Variants in PDE3B observed in about 807,000 individuals in gnomAD.
The protein encoded by PDE3B is phosphodiesterase 3B, also known as cGMP-inhibited 3',5'-cyclic phosphodiesterase 3B.
A neutral mutation model predicts 116.8 loss-of-function variants in PDE3B; 66 were observed. The ratio of observed to expected loss-of-function variants is 0.56; its 90% CI spans 0.46 to 0.69. The LOEUF (loss-of-function observed/expected upper bound fraction) is 0.69, where lower values mean the gene tolerates loss of function less well. Ranked by LOEUF, PDE3B falls within the 30% of genes least tolerant of loss-of-function variation. PDE3B has a pLI of 0.00. For missense variants in PDE3B, 1,384 were observed against 1,368.1 expected, an observed-to-expected ratio of 1.01 and a Z score of -0.18; for synonymous variants, 595 against 533.6, an observed-to-expected ratio of 1.12 and a Z score of -1.59.
chr11:14,778,962 G>A (rs939983017), intron 2 of PDE3B, among the ~76,000 whole-genome samples: 121 of 152,254 alleles, frequency 7.9e-4, no homozygotes, highest in African/African-American at 2.7e-3. Flanking sequence ...AATAAACAGT[G>A]TATAGAAGAC....
intron 1 of PDE3B, among the ~76,000 whole-genome samples, chr11:14,661,071 G>T (rs1853888557): frequency 6.6e-6 from 1 of 152,142 alleles, no homozygotes; most frequent in South Asian, 2.1e-4. Flanking sequence ...CACTGTTGGT[G>T]GGACTATAAG....
chr11:14,865,735 T>C (rs1848032503), intron 14 of PDE3B, among the ~76,000 whole-genome samples: 1 of 152,200 alleles, frequency 6.6e-6, no homozygotes, highest in Non-Finnish European at 1.5e-5. Flanking sequence ...TTCTCAGTGA[T>C]AATTGAAACT....
intron 1 of PDE3B, among the ~76,000 whole-genome samples, chr11:14,698,149 A>AT (rs1855264903): frequency 6.6e-6 from 1 of 151,820 alleles, no homozygotes; most frequent in South Asian, 2.1e-4. Context: ...ATGTGTGTGT[A>AT]TATTATTATT....
intron 1 of PDE3B, among the ~76,000 whole-genome samples, chr11:14,722,212 A>G (rs1201779167): frequency 1.3e-5 from 2 of 151,792 alleles, no homozygotes; most frequent in Admixed American, 6.6e-5. Context: ...CTAATGTTAA[A>G]TGACGAGTTA....
At chr11:14,753,669 A>C (rs1041990493) in intron 1 of PDE3B, among the ~76,000 whole-genome samples, 1 of 152,152 alleles carries the variant, frequency 6.6e-6, no homozygotes, top group Admixed American at 6.5e-5. Flanking sequence ...AAGATACTTT[A>C]ATTGAAAAGA....
In PDE3B at chr11:14,643,956, C is replaced by G. The variant is rs1347976811; in HGVS notation, c.-120C>G. On this transcript the variant is annotated 5_prime_UTR_variant, in exon 1 of 16. Coordinates refer to ENST00000282096, the MANE Select transcript of PDE3B (RefSeq NM_000922.4). ...CCCCGGGCCGTGGCGGCCGGCGCAGCCCTGACGGGTTGCGAACCAGGGGGC... is the reference window on the plus strand; with the variant it reads ...CCCCGGGCCGTGGCGGCCGGCGCAGGCCTGACGGGTTGCGAACCAGGGGGC... The G allele has an allele frequency of 7.4e-7, 1 of 1,357,952 alleles. No homozygotes were observed. The highest frequency in any genetic ancestry group is 9.5e-7 in the Non-Finnish European group (1 of 1,057,960). 84.1% of individuals were successfully genotyped at this position (1,357,952 alleles called of 1,614,324 possible).
At chr11:14,836,262 A>G (rs1338757566) in intron 11 of PDE3B, among the ~76,000 whole-genome samples, 1 of 152,202 alleles carries the variant, frequency 6.6e-6, no homozygotes, top group Non-Finnish European at 1.5e-5. Context: ...GTATTATTCC[A>G]TAATCTTGTG....
intron 4 of PDE3B, among the ~76,000 whole-genome samples, chr11:14,789,734 T>C (rs1023287748): frequency 6.6e-6 from 1 of 151,980 alleles, no homozygotes; most frequent in Admixed American, 6.6e-5. Context: ...CTATATTCTG[T>C]TGAGGATTTA....
chr11:14,841,329 C>T (rs1276958752), intron 11 of PDE3B, among the ~76,000 whole-genome samples: 2 of 148,080 alleles, frequency 1.4e-5, no homozygotes. Context: ...CTCTCTCTCT[C>T]TCCCTCTCTC....
At chr11:14,898,595 A>G in the PDE3B span, among the ~76,000 whole-genome samples, 4 of 152,266 alleles carry the variant, frequency 2.6e-5, no homozygotes, top group South Asian at 8.3e-4. Context: ...TTACATACGG[A>G]TGTGGAAGTT....
chr11:14,762,645 A>T (rs1414455990), intron 1 of PDE3B, among the ~76,000 whole-genome samples: 4 of 152,222 alleles, frequency 2.6e-5, no homozygotes, highest in Admixed American at 2.6e-4. Flanking sequence ...TGTTGAGAAT[A>T]GATTCTACCT....
intron 3 of PDE3B, among the ~76,000 whole-genome samples, chr11:14,788,251 A>G (rs1013073552): frequency 5.3e-5 from 8 of 151,982 alleles, no homozygotes; most frequent in Non-Finnish European, 1.0e-4. Flanking sequence ...TGAAAAAACA[A>G]TAGGCAAAAG....
intron 1 of PDE3B, among the ~76,000 whole-genome samples, chr11:14,714,030 G>T (rs1855791686): frequency 6.6e-6 from 1 of 152,170 alleles, no homozygotes; most frequent in Non-Finnish European, 1.5e-5. Flanking sequence ...CTTGGTGGTA[G>T]TGTGGTAGTG....
At chr11:14,684,928 G>A (rs535279272) in intron 1 of PDE3B, among the ~76,000 whole-genome samples, 1 of 151,634 alleles carries the variant, frequency 6.6e-6, no homozygotes, top group African/African-American at 2.4e-5. Flanking sequence ...TTTTTTCAAG[G>A]TGCACTGATT....
intron 1 of PDE3B, among the ~76,000 whole-genome samples, chr11:14,663,591 G>A (rs969601475): frequency 4.9e-4 from 75 of 151,800 alleles, no homozygotes; most frequent in Non-Finnish European, 8.2e-4. Flanking sequence ...CAAGCCAATG[G>A]AAAACAAAAA....
intron 1 of PDE3B, among the ~76,000 whole-genome samples, chr11:14,651,709 C>T (rs997356057): frequency 6.6e-6 from 1 of 152,126 alleles, no homozygotes; most frequent in South Asian, 2.1e-4. Flanking sequence ...GATTCAATCT[C>T]ATTTTTTATC....
At chr11:14,645,147 A>C in intron 1 of PDE3B, 94 bp downstream of exon 1, 1 of 416,626 alleles carries the variant, frequency 2.4e-6, no homozygotes, top group Non-Finnish European at 3.5e-6. Flanking sequence ...AAAGCATGTT[A>C]ACTTTCAGAA....
chr11:14,874,265 T>C (rs1555009470), downstream of PDE3B, among the ~76,000 whole-genome samples: 2 of 152,146 alleles, frequency 1.3e-5, no homozygotes, highest in African/African-American at 4.8e-5. Context: ...TTTTAACCTT[T>C]AACCTATGTT....
In PDE3B at chr11:14,644,822, C is replaced by A. The variant is rs762406309; in HGVS notation, c.747C>A (p.Ser249=). Residue 249 remains serine (S), a synonymous_variant, in exon 1 of 16, where the codon TCC becomes TCA. Coordinates refer to ENST00000282096, the MANE Select transcript of PDE3B (RefSeq NM_000922.4). The part of the protein sequence containing the change: ...SLPSALRPLL[S]GLVGGAGCLL... ...CCTCCGCCCTCAGGCCGCTGCTCTC[C>A]GGCCTGGTGGGGGGCGCTGGCTGCC... 3.1e-6 allele frequency: 5 copies of A among 1,611,880 alleles called. No homozygotes were observed. The highest frequency in any genetic ancestry group is 2.7e-5 in the African/African-American group (2 of 74,880).
Sources: gnomAD v4.1 joint callset for allele counts (sites outside exome capture counted in the v4.1 genomes callset) on GRCh38, gnomAD v4.1.1 for gene constraint, MANE v1.5 for transcripts, NCBI Gene and HGNC (gene_info 2026-07-23, HGNC 2026-07-21) for gene names.